The following ZFAT variants were observed in gnomAD, a reference collection of about 807,000 sequenced individuals.
ZFAT encodes zinc finger and AT-hook domain containing, also known as zinc finger protein ZFAT.
ZFAT carries 64 observed loss-of-function variants against 117.7 expected under a neutral mutation model. The observed-to-expected ratio is 0.54, with a 90% CI of 0.44 to 0.67. ZFAT has a LOEUF of 0.67. Among genes scored for constraint, ZFAT ranks in the 30% least tolerant of loss-of-function variants. The pLI is 0.00. For missense variants in ZFAT, 1,433 were observed against 1,584.5 expected, an observed-to-expected ratio of 0.90 and a Z score of 1.62; for synonymous variants, 679 against 615.0, an observed-to-expected ratio of 1.10 and a Z score of -1.54.
At chr8:134,814,478 T>C in the ZFAT span, among the ~76,000 whole-genome samples, 1 of 152,252 alleles carries the variant, frequency 6.6e-6, no homozygotes, top group Non-Finnish European at 1.5e-5. Context: ...TAGGTCTTAC[T>C]GGTCAGACAT....
chr8:134,607,208 C>T (rs1827954227), intron 5 of ZFAT, among the ~76,000 whole-genome samples: 1 of 152,158 alleles, frequency 6.6e-6, no homozygotes. Context: ...GTCTACAAAT[C>T]AACCTGACTT....
At chr8:134,816,778 C>T in the ZFAT span, among the ~76,000 whole-genome samples, 4 of 151,954 alleles carry the variant, frequency 2.6e-5, no homozygotes, top group Non-Finnish European at 4.4e-5. Flanking sequence ...GTCAGGAGTT[C>T]GAGACCAGCC....
intron 2 of ZFAT, among the ~76,000 whole-genome samples, chr8:134,638,560 C>CAAAAAAAAAAA (rs1563711719): frequency 1.6e-4 from 10 of 63,032 alleles, no homozygotes; most frequent in African/African-American, 3.8e-4. Context: ...AAAAAAAAAA[C>CAAAAAAAAAAA]AAAACAAAAA....
chr8:134,734,717 G>T, the ZFAT span, among the ~76,000 whole-genome samples: 1 of 152,200 alleles, frequency 6.6e-6, no homozygotes. Context: ...GACCAGAGGG[G>T]CGGCATTCCT....
the ZFAT span, among the ~76,000 whole-genome samples, chr8:134,787,074 C>T: frequency 1.3e-5 from 2 of 152,078 alleles, no homozygotes; most frequent in African/African-American, 4.8e-5. Context: ...GTCTTGAACT[C>T]CTGGTCTTAA....
chr8:134,608,876 G>T lies in ZFAT; in HGVS notation c.638C>A (p.Ala213Asp), dbSNP rs1344480450. 1 of 1,602,366 alleles carries T rather than the reference G, an allele frequency of 6.2e-7. No homozygotes were observed. Among genetic ancestry groups the T allele is most frequent in the Non-Finnish European group, 8.5e-7 (1 of 1,176,080 alleles). Residue 213 changes from alanine to aspartate, a missense_variant, in exon 5 of 16, where the codon GCT becomes GAT. Coordinates refer to ENST00000377838, the MANE Select transcript of ZFAT (RefSeq NM_020863.4). ...AGCCTCCACTGGCACAATCTTGGTAGCACCTGAGATTGATGCAAAAGGCAT... is the reference window on the plus strand; with the variant it reads ...AGCCTCCACTGGCACAATCTTGGTATCACCTGAGATTGATGCAAAAGGCAT... ...VLTAHEAIPGATKIVPVEAGP... is the reference protein window; with the variant it reads ...VLTAHEAIPGDTKIVPVEAGP...
chr8:134,798,397 A>G, the ZFAT span: 1 of 152,078 alleles, frequency 6.6e-6, no homozygotes, highest in African/African-American at 2.4e-5. Context: ...AACATTTAAA[A>G]CTGATAAGCA....
chr8:134,690,009 C>T (rs1833515964), intron 1 of ZFAT, among the ~76,000 whole-genome samples: 2 of 152,196 alleles, frequency 1.3e-5, no homozygotes, highest in African/African-American at 2.4e-5. Context: ...ATTTCACTTA[C>T]AATCTATTTT....
chr8:134,823,610 A>G, the ZFAT span, among the ~76,000 whole-genome samples: 1 of 152,222 alleles, frequency 6.6e-6, no homozygotes, highest in Non-Finnish European at 1.5e-5. Context: ...CAGGCAGGAT[A>G]GCTCCAGGTT....
At chr8:134,648,226 A>T (rs7012213) in intron 2 of ZFAT, among the ~76,000 whole-genome samples, 50,841 of 151,270 alleles carry the variant, frequency 0.34, 8,736 homozygotes, top group South Asian at 0.53. Flanking sequence ...TAAAAGAACT[A>T]TCTCAAATCA....
At chr8:134,579,067 T>C (rs951521898) in intron 10 of ZFAT, among the ~76,000 whole-genome samples, 6 of 152,180 alleles carry the variant, frequency 3.9e-5, no homozygotes, top group African/African-American at 1.4e-4. Flanking sequence ...TTTACAAACT[T>C]TGGCAACCCC....
chr8:134,609,849 C>T (rs888864466), intron 4 of ZFAT, among the ~76,000 whole-genome samples: 4 of 151,966 alleles, frequency 2.6e-5, no homozygotes. Context: ...TTTGGTGAAC[C>T]CTTCTAAAAA....
At chr8:134,624,915 C>G (rs1421620740) in intron 3 of ZFAT, among the ~76,000 whole-genome samples, 1 of 150,664 alleles carries the variant, frequency 6.6e-6, no homozygotes, top group Admixed American at 6.6e-5. Context: ...TTCTAAATTG[C>G]CCAAGAACTA....
intron 1 of ZFAT, among the ~76,000 whole-genome samples, chr8:134,687,461 T>G (rs1833378001): frequency 6.6e-6 from 1 of 152,202 alleles, no homozygotes; most frequent in Non-Finnish European, 1.5e-5. Context: ...ACTCTCAAAA[T>G]GAGAGCCCCT....
At chr8:134,786,754 T>C in the ZFAT span, among the ~76,000 whole-genome samples, 1 of 152,156 alleles carries the variant, frequency 6.6e-6, no homozygotes, top group Admixed American at 6.6e-5. Flanking sequence ...ATTTCAAATT[T>C]ATTCACATAA....
At position 134,635,782 on chromosome 8, in the gene ZFAT, C is replaced by A. The variant is rs370966153; in HGVS notation, c.448+1679G>T. Among the ~76,000 whole-genome samples the A allele has an allele frequency of 2.6e-5, 4 of 152,184 alleles. No homozygotes were observed. The East Asian group carries it at 5.8e-4, about 22-fold the overall frequency. On this transcript the variant is annotated intron_variant, in intron 3 of 15. Coordinates refer to ENST00000377838, the MANE Select transcript of ZFAT (RefSeq NM_020863.4). ...AGCTTCGGGTTCAGGGGAGGTCTATCCTAATCCTTCCTCTTTCAACCATCT... is the reference window on the plus strand; with the variant it reads ...AGCTTCGGGTTCAGGGGAGGTCTATACTAATCCTTCCTCTTTCAACCATCT...
At chr8:134,810,173 C>A in the ZFAT span, among the ~76,000 whole-genome samples, 1 of 152,162 alleles carries the variant, frequency 6.6e-6, no homozygotes, top group East Asian at 1.9e-4. Flanking sequence ...TTCCAAGAAT[C>A]CTGGAGGGTA....
chr8:134,506,754 GT>G (rs1302750958), intron 15 of ZFAT, among the ~76,000 whole-genome samples: 1 of 152,198 alleles, frequency 6.6e-6, no homozygotes, highest in African/African-American at 2.4e-5. Context: ...ATTTTGAAAT[GT>G]TTAACCATCC....
chr8:134,604,981 T>C (rs776892397), intron 5 of ZFAT, among the ~76,000 whole-genome samples: 3 of 152,244 alleles, frequency 2.0e-5, no homozygotes, highest in Non-Finnish European at 4.4e-5. Flanking sequence ...TATTTTCTCC[T>C]CTACTGCAAG....
Sources: gnomAD v4.1 joint callset for allele counts (sites outside exome capture counted in the v4.1 genomes callset) on GRCh38, gnomAD v4.1.1 for gene constraint, MANE v1.5 for transcripts, NCBI Gene and HGNC (gene_info 2026-07-23, HGNC 2026-07-21) for gene names.